ABCA1: variants seen among roughly 807,000 people sequenced by gnomAD.
ABCA1 encodes the protein phospholipid-transporting ATPase ABCA1.
ABCA1 carries 133 observed loss-of-function variants against 262.5 expected under a neutral mutation model. The observed-to-expected ratio is 0.51, with a 90% CI of 0.44 to 0.59. ABCA1 has a LOEUF of 0.59. Ranked by LOEUF, ABCA1 falls within the 20% of genes least tolerant of loss-of-function variation. The probability of loss-of-function intolerance (pLI) is 0.00; values close to 1 mark genes in which losing one functional copy is unlikely to be tolerated. For missense variants in ABCA1, 2,452 were observed against 2,777.5 expected (o/e 0.88, Z 2.63); for synonymous variants, 1,022 against 1,043.5 (o/e 0.98, Z 0.40).
At chr9:104,794,124 T>C (rs1829659414) in intron 40 of ABCA1, among the ~76,000 whole-genome samples, 1 of 152,168 alleles carries the variant, frequency 6.6e-6, no homozygotes, top group South Asian at 2.1e-4. Context: ...AGCCAGTGGA[T>C]CCAAGCAAAT....
At chr9:104,861,582 C>T in intron 6 of ABCA1, 97 bp downstream of exon 6, 1 of 1,531,832 alleles carries the variant, frequency 6.5e-7, no homozygotes, top group Non-Finnish European at 9.0e-7. Context: ...TCCCCTTCAC[C>T]ACCATTACAA....
rs1308308609 is a variant in ABCA1 at position 104,794,402 on chromosome 9, C to T, written c.5491G>A (p.Ala1831Thr). 1.2e-6 allele frequency: 2 copies of T among 1,613,862 alleles called. No individual in the cohort carries two copies. Among genetic ancestry groups the T allele is most frequent in the African/African-American group, 1.3e-5 (1 of 74,952 alleles). The change falls in exon 40 of 50, where the codon GCC becomes ACC. Residue 1831 changes from alanine (A) to threonine (T), a missense_variant. Around this residue, in one of 4 missense-constraint regions of ABCA1, gnomAD observed 752 missense variants for 944.5 expected, o/e 0.80. Coordinates refer to ENST00000374736, the MANE Select transcript of ABCA1 (RefSeq NM_005502.4). ...DMVKNQAMAD[A>T]LERFGENRFV... Reference sequence around the variant, plus strand: ...CTTCACTCACCAAACCTTTCCAGGGCATCAGCCATTGCCTGGTTTTTCACC... The same window carrying T: ...CTTCACTCACCAAACCTTTCCAGGGTATCAGCCATTGCCTGGTTTTTCACC...
At chr9:104,846,750 G>C (rs1401450719) in intron 7 of ABCA1, among the ~76,000 whole-genome samples, 1 of 152,160 alleles carries the variant, frequency 6.6e-6, no homozygotes, top group African/African-American at 2.4e-5. Flanking sequence ...AGAGTCCCAG[G>C]ACTCCCACAT....
At chr9:104,874,858 C>T (rs1293321672) in intron 5 of ABCA1, among the ~76,000 whole-genome samples, 1 of 139,004 alleles carries the variant, frequency 7.2e-6, no homozygotes, top group Non-Finnish European at 1.5e-5. Flanking sequence ...CCACCCCGTC[C>T]GGGAGGGAGG....
intron 9 of ABCA1, among the ~76,000 whole-genome samples, chr9:104,837,919 C>T (rs1833966784): frequency 6.6e-6 from 1 of 152,230 alleles, no homozygotes; most frequent in South Asian, 2.1e-4. Context: ...CAGATTCACA[C>T]TCTCATGCCA....
chr9:104,876,254 G>A (rs765460891), intron 5 of ABCA1, among the ~76,000 whole-genome samples: 1 of 152,226 alleles, frequency 6.6e-6, no homozygotes, highest in Non-Finnish European at 1.5e-5. Context: ...TGGCTATGGG[G>A]GATGTAGCAG....
intron 2 of ABCA1, among the ~76,000 whole-genome samples, chr9:104,902,162 T>C (rs1278653286): frequency 6.6e-6 from 1 of 152,212 alleles, no homozygotes; most frequent in African/African-American, 2.4e-5. Context: ...AAGAGGATTT[T>C]AAACACTTTG....
At chr9:104,917,020 T>C (rs569374155) in intron 1 of ABCA1, among the ~76,000 whole-genome samples, 20 of 152,280 alleles carry the variant, frequency 1.3e-4, no homozygotes, top group Middle Eastern at 3.4e-3. Context: ...ACATTGCTGG[T>C]AGGGGTGCAA....
At chr9:104,875,316 C>T (rs1035777121) in intron 5 of ABCA1, among the ~76,000 whole-genome samples, 1 of 147,536 alleles carries the variant, frequency 6.8e-6, no homozygotes, top group Non-Finnish European at 1.5e-5. Context: ...ACACTCCATG[C>T]ACTCCATCCT....
intron 24 of ABCA1, among the ~76,000 whole-genome samples, chr9:104,816,811 G>A (rs1446504069): frequency 6.6e-6 from 1 of 152,096 alleles, no homozygotes; most frequent in Admixed American, 6.5e-5. Flanking sequence ...TAAATAAAGG[G>A]TTAATCTAAC....
chr9:104,788,264 G>A (rs898801222), intron 45 of ABCA1, among the ~76,000 whole-genome samples, 162 bp downstream of exon 45: 1 of 142,262 alleles, frequency 7.0e-6, no homozygotes, highest in Admixed American at 6.9e-5. Flanking sequence ...CCCCACCACC[G>A]TTACAGGTTT....
At chr9:104,831,155 A>C in intron 13 of ABCA1, 54 bp from the exon 14 acceptor site, 8 of 1,426,534 alleles carry the variant, frequency 5.6e-6, no homozygotes, top group Non-Finnish European at 7.6e-6. Context: ...ACAATAAAAA[A>C]AAAAAAAAAA....
In ABCA1 at chr9:104,845,578, A is replaced by C; in HGVS notation, c.721-9T>G. On this transcript the variant is annotated splice_polypyrimidine_tract_variant and intron_variant, in intron 7 of 49. Transcript: ENST00000374736. ...GTAGAGTTTAGTGTTCTCTGTAATG[A>C]GAAAGAAAACTTTGTTTCTGAATTC... 1.3e-6 allele frequency: 2 copies of C among 1,594,996 alleles called. No individual in the cohort carries two copies. The highest frequency in any genetic ancestry group is 1.7e-6 in the Non-Finnish European group (2 of 1,162,908).
chr9:104,855,000 G>C (rs114432666), intron 7 of ABCA1: 4,762 of 280,656 alleles, frequency 0.017, 180 homozygotes, highest in African/African-American at 0.083. Context: ...TAACCCCAGG[G>C]AACTTTAAAA....
intron 15 of ABCA1, among the ~76,000 whole-genome samples, chr9:104,828,352 C>T (rs184735832): frequency 1.2e-4 from 18 of 152,308 alleles, no homozygotes; most frequent in African/African-American, 4.1e-4. Context: ...AGAACAACTC[C>T]AACAAGCTGC....
In ABCA1 at chr9:104,891,334, C is replaced by T. The variant is rs1016796340; in HGVS notation, c.67-2139G>A. 6.6e-5 allele frequency among the ~76,000 whole-genome samples: 10 copies of T among 152,154 alleles called. No homozygotes were observed. The East Asian group carries it at 1.5e-3, about 23-fold the overall frequency. Reference sequence around the variant, plus strand: ...AATCACTTTGTGAGGCCAAGGCAGGCGGATCACCTGAGGTCAGGAGTTGGA... The same window carrying T: ...AATCACTTTGTGAGGCCAAGGCAGGTGGATCACCTGAGGTCAGGAGTTGGA... On this transcript the variant is annotated intron_variant, in intron 2 of 49. Transcript: ENST00000374736.
rs1011043855 is a variant in ABCA1 at position 104,855,202 on chromosome 9, T to C, written c.720+3320A>G. ...TCTACAGAAGAAAACTTCTATCTTT[T>C]TTTTCTTTTTCTGAGACAGAGTCTC... On this transcript the variant is annotated intron_variant, in intron 7 of 49. Coordinates refer to ENST00000374736, the MANE Select transcript of ABCA1 (RefSeq NM_005502.4). 5 of 980,406 alleles carry C rather than the reference T, an allele frequency of 5.1e-6. No individual in the cohort carries two copies. The Admixed American group carries it at 1.8e-4, about 36-fold the overall frequency. 60.7% of individuals were successfully genotyped at this position (980,406 alleles called of 1,614,324 possible). A position where few individuals can be genotyped will look rare whatever the true frequency, so the allele number is the denominator to read the frequency against.
chr9:104,827,630 T>G (rs1417184180), intron 15 of ABCA1, among the ~76,000 whole-genome samples: 1 of 152,096 alleles, frequency 6.6e-6, no homozygotes, highest in Non-Finnish European at 1.5e-5. Context: ...TCATCCAAAC[T>G]CTTGTGGATA....
At chr9:104,861,002 C>A (rs971865760) in intron 6 of ABCA1, among the ~76,000 whole-genome samples, 5 of 152,042 alleles carry the variant, frequency 3.3e-5, no homozygotes, top group Non-Finnish European at 5.9e-5. Context: ...GTGATTTTCC[C>A]GCCTTGGCCT....
Sources: gnomAD v4.1 joint callset for allele counts (sites outside exome capture counted in the v4.1 genomes callset) on GRCh38, gnomAD v4.1.1 for gene constraint, gnomAD v4.1.1 regional missense constraint, MANE v1.5 for transcripts, NCBI Gene and HGNC (gene_info 2026-07-23, HGNC 2026-07-21) for gene names.